Variants in HDAC9 observed in about 807,000 individuals in gnomAD.
The protein encoded by HDAC9 is MEF-2 interacting transcription repressor (MITR) protein.
HDAC9 carries 41 observed loss-of-function variants against 139.4 expected under a neutral mutation model. The observed-to-expected ratio is 0.29, with a 90% CI of 0.23 to 0.38. The LOEUF is 0.38. Ranked by LOEUF, HDAC9 falls within the 10% of genes least tolerant of loss-of-function variation. HDAC9 has a pLI of 1.00. For synonymous variants in HDAC9, 517 were observed against 476.2 expected (o/e 1.09, Z -1.12); for missense variants, 1,147 against 1,297.0 (o/e 0.88, Z 1.78).
intron 1 of HDAC9, among the ~76,000 whole-genome samples, chr7:18,398,788 A>G (rs1787282086): frequency 6.6e-6 from 1 of 152,168 alleles, no homozygotes; most frequent in African/African-American, 2.4e-5. Context: ...GATTTTTATG[A>G]CAAAGTAATA....
intron 1 of HDAC9, among the ~76,000 whole-genome samples, chr7:18,299,960 C>T (rs915070275): frequency 6.6e-6 from 1 of 152,082 alleles, no homozygotes; most frequent in Non-Finnish European, 1.5e-5. Flanking sequence ...TCTTTATTAT[C>T]TCCTTTTGTT....
rs377667478 is a variant in HDAC9 at position 18,903,278 on chromosome 7, C to A, written c.2803+28682C>A. Among the ~76,000 whole-genome samples the A allele has an allele frequency of 5.3e-5, 8 of 152,170 alleles. No homozygotes were observed. The East Asian group carries it at 1.4e-3, about 26-fold the overall frequency. ...GGCAAGTTGTTAATTTTTTTAAATC[C>A]CAGTTTTCTCATTTGTAAAACATAG... On this transcript the variant is annotated intron_variant, in intron 22 of 25. Transcript: ENST00000686413.
At chr7:18,723,724 A>AG (rs2129126101) in intron 12 of HDAC9, among the ~76,000 whole-genome samples, 1 of 152,260 alleles carries the variant, frequency 6.6e-6, no homozygotes, top group East Asian at 1.9e-4. Context: ...TTAAAAAAAA[A>AG]GAAAGGTAGC....
chr7:18,089,966 G>A (rs1330072964), intron 1 of HDAC9, among the ~76,000 whole-genome samples: 1 of 152,018 alleles, frequency 6.6e-6, no homozygotes, highest in Non-Finnish European at 1.5e-5. Flanking sequence ...GTTTAAGTTG[G>A]TGGGGGCTCT....
chr7:18,830,168 A>G (rs1307162923), intron 19 of HDAC9, among the ~76,000 whole-genome samples: 1 of 152,222 alleles, frequency 6.6e-6, no homozygotes, highest in Non-Finnish European at 1.5e-5. Context: ...AAAGCAGATG[A>G]CACTTGGCAT....
chr7:18,881,342 T>C (rs1382183110), intron 22 of HDAC9, among the ~76,000 whole-genome samples: 1 of 152,126 alleles, frequency 6.6e-6, no homozygotes, highest in Non-Finnish European at 1.5e-5. Context: ...GATTACAATC[T>C]GTTTGGATTC....
At chr7:18,948,367 G>A (rs1782551485) in intron 23 of HDAC9, among the ~76,000 whole-genome samples, 1 of 151,950 alleles carries the variant, frequency 6.6e-6, no homozygotes, top group African/African-American at 2.4e-5. Context: ...ATTTAACAAA[G>A]TGGGTAGTTA....
In HDAC9 at chr7:18,594,034, G is replaced by A; in HGVS notation, c.664+5G>A. On this transcript the variant is annotated splice_donor_5th_base_variant and intron_variant, in intron 6 of 25. Transcript: ENST00000686413. The stretch of plus-strand genomic sequence containing the variant: ...ATTTCCCCCTTCGAAAAACTGGTAA[G>A]TTGGTTTAACAGGAACTCTGTTTGC... 1 of 1,612,178 alleles carries A rather than the reference G, an allele frequency of 6.2e-7. No individual in the cohort carries two copies. Among genetic ancestry groups the A allele is most frequent in the Non-Finnish European group, 8.5e-7 (1 of 1,178,732 alleles).
chr7:18,435,430 G>T (rs894089033), intron 1 of HDAC9, among the ~76,000 whole-genome samples: 2 of 152,012 alleles, frequency 1.3e-5, no homozygotes, highest in Admixed American at 6.6e-5. Context: ...AAAGTCTATG[G>T]CTATATAGAC....
chr7:18,636,120 C>T (rs1434280887), intron 8 of HDAC9, among the ~76,000 whole-genome samples: 1 of 152,024 alleles, frequency 6.6e-6, no homozygotes, highest in Non-Finnish European at 1.5e-5. Flanking sequence ...GAGTTTTGAG[C>T]TTTGGTTTTC....
chr7:18,271,239 T>A (rs781376081), intron 2 of HDAC9, among the ~76,000 whole-genome samples: 1 of 152,250 alleles, frequency 6.6e-6, no homozygotes, highest in Non-Finnish European at 1.5e-5. Flanking sequence ...TTACCTGTTT[T>A]CAATTAGAGA....
intron 2 of HDAC9, among the ~76,000 whole-genome samples, chr7:18,209,810 C>T (rs1245593710): frequency 6.6e-6 from 1 of 151,972 alleles, no homozygotes; most frequent in African/African-American, 2.4e-5. Context: ...ACGCCATTCT[C>T]CTCCCTCAGC....
chr7:18,634,784 C>A, intron 8 of HDAC9, 42 bp downstream of exon 8: 1 of 1,209,822 alleles, frequency 8.3e-7, no homozygotes, highest in Non-Finnish European at 1.2e-6. Context: ...AACTGAATTT[C>A]TGATTAGCTA....
At chr7:18,762,335 A>G (rs1345928751) in intron 15 of HDAC9, 58 bp downstream of exon 15, 7 of 1,584,180 alleles carry the variant, frequency 4.4e-6, no homozygotes, top group Admixed American at 3.5e-5. Context: ...TCATTAGTCA[A>G]CGCTGGTGTC....
chr7:18,172,235 G>A (rs181864542), intron 2 of HDAC9, among the ~76,000 whole-genome samples: 8 of 152,158 alleles, frequency 5.3e-5, no homozygotes, highest in East Asian at 1.9e-4. Flanking sequence ...TTTGCATAGC[G>A]GTTTTTATAG....
intron 1 of HDAC9, among the ~76,000 whole-genome samples, chr7:18,419,979 C>G (rs887321190): frequency 1.3e-5 from 2 of 152,112 alleles, no homozygotes; most frequent in African/African-American, 4.8e-5. Context: ...ATTACAGACT[C>G]AGGTACAGGC....
At chr7:18,894,522 C>T (rs1222569292) in intron 22 of HDAC9, among the ~76,000 whole-genome samples, 2 of 151,872 alleles carry the variant, frequency 1.3e-5, no homozygotes, top group African/African-American at 4.8e-5. Flanking sequence ...CCACTTCTGA[C>T]CTAGACAAGA....
chr7:18,985,412 T>C (rs576415842), intron 25 of HDAC9, among the ~76,000 whole-genome samples: 2 of 152,366 alleles, frequency 1.3e-5, no homozygotes, highest in South Asian at 4.1e-4. Flanking sequence ...TCATTTTTTA[T>C]GGCTGCATGG....
intron 11 of HDAC9, 41 bp downstream of exon 11, chr7:18,648,724 T>C: frequency 6.5e-7 from 1 of 1,540,288 alleles, no homozygotes; most frequent in Non-Finnish European, 8.9e-7. Flanking sequence ...AACCGCCAGT[T>C]TGGAAATTGG....
Sources: allele counts gnomAD v4.1 joint callset (sites outside exome capture counted in the v4.1 genomes callset), GRCh38; gene constraint gnomAD v4.1.1; transcripts MANE v1.5; gene names NCBI Gene and HGNC (gene_info 2026-07-23, HGNC 2026-07-21).